TMEM132B: variants seen among roughly 807,000 people sequenced by gnomAD.
TMEM132B encodes transmembrane protein 132B.
Under a neutral mutation model 90.8 loss-of-function variants are expected in TMEM132B, and 18 were observed. The ratio of observed to expected loss-of-function variants is 0.20; its 90% CI spans 0.14 to 0.29. The LOEUF is 0.29. Among genes scored for constraint, TMEM132B ranks in the 10% least tolerant of loss-of-function variants. TMEM132B has a pLI of 1.00. For synonymous variants in TMEM132B, 504 were observed against 523.3 expected, an observed-to-expected ratio of 0.96 and a Z score of 0.50; for missense variants, 1,096 against 1,326.8, an observed-to-expected ratio of 0.83 and a Z score of 2.70.
intron 3 of TMEM132B, among the ~76,000 whole-genome samples, chr12:125,433,962 C>T (rs1880622287): frequency 2.0e-5 from 3 of 152,062 alleles, no homozygotes; most frequent in Admixed American, 6.5e-5. Context: ...TATTAGTTTC[C>T]TATTGCTGAC....
At chr12:125,266,648 GGGTTA>G (rs1453960268) in intron 1 of TMEM132B, among the ~76,000 whole-genome samples, 64 of 152,294 alleles carry the variant, frequency 4.2e-4, no homozygotes, top group African/African-American at 1.5e-3. Context: ...GGTTTGGGTT[GGGTTA>G]GGCCTTCTCC....
intron 1 of TMEM132B, among the ~76,000 whole-genome samples, chr12:125,234,297 CCCATCCTGTGA>C (rs1174459980): frequency 1.3e-5 from 2 of 152,282 alleles, no homozygotes; most frequent in African/African-American, 4.8e-5. Flanking sequence ...TTGAAAATGT[CCCATCCTGTGA>C]CACCACTGCA....
chr12:125,227,161 G>A (rs995137462), intron 1 of TMEM132B, among the ~76,000 whole-genome samples: 7 of 152,154 alleles, frequency 4.6e-5, no homozygotes, highest in Admixed American at 1.3e-4. Context: ...GTGGGACTGC[G>A]GCCCAGTTGC....
At chr12:125,624,183 A>G (rs1383025595) in intron 5 of TMEM132B, among the ~76,000 whole-genome samples, 2 of 152,198 alleles carry the variant, frequency 1.3e-5, no homozygotes, top group South Asian at 2.1e-4. Context: ...AAATGAATTG[A>G]TAAAAAGAAA....
intron 1 of TMEM132B, among the ~76,000 whole-genome samples, chr12:125,305,844 A>G (rs911507670): frequency 2.0e-5 from 3 of 152,156 alleles, no homozygotes; most frequent in Non-Finnish European, 2.9e-5. Flanking sequence ...ATCTTTCTCT[A>G]TTGCTGGGTA....
At chr12:125,617,352 T>TA (rs1886013161) in intron 5 of TMEM132B, among the ~76,000 whole-genome samples, 1 of 151,638 alleles carries the variant, frequency 6.6e-6, no homozygotes, top group Non-Finnish European at 1.5e-5. Context: ...CCCTTTTTTT[T>TA]TTTTTTTTTT....
rs138202075 is a variant in TMEM132B, at chr12:125,512,695, G to A, written c.1107-6744G>A. On this transcript the variant is annotated intron_variant, in intron 3 of 8. Transcript: ENST00000682704. ...GCCTGTAGACCTTTGACTGCCAACC[G>A]CTGCCTGCCTGGTCTTTTCAGAGCA... Among the ~76,000 whole-genome samples, 32 of 152,306 alleles carry A rather than the reference G, an allele frequency of 2.1e-4. No homozygotes were observed. In the East Asian group the frequency reaches 6.2e-3, roughly 29 times the overall value.
chr12:125,497,743 T>A (rs1299478606), intron 3 of TMEM132B, among the ~76,000 whole-genome samples: 1 of 152,226 alleles, frequency 6.6e-6, no homozygotes, highest in Non-Finnish European at 1.5e-5. Flanking sequence ...ATGTTATTGA[T>A]CAAGCTAGGA....
At chr12:125,586,198 T>G (rs984886049) in intron 5 of TMEM132B, 2 of 152,198 alleles carry the variant, frequency 1.3e-5, no homozygotes, top group African/African-American at 4.8e-5. Flanking sequence ...GGGAGAGTCT[T>G]GCAGGGCTCA....
Position 125,658,037 on chromosome 12 carries a change from C to T in TMEM132B, c.*3327C>T, listed in dbSNP as rs1228975111. The T allele has an allele frequency of 6.6e-6, 1 of 152,226 alleles. No homozygotes were observed. Among genetic ancestry groups the T allele is most frequent in the African/African-American group, 2.4e-5 (1 of 41,444 alleles). 9.4% of individuals were successfully genotyped at this position (152,226 alleles called of 1,614,324 possible). A position where few individuals can be genotyped will look rare whatever the true frequency, so the allele number is the denominator to read the frequency against. On this transcript the variant is annotated 3_prime_UTR_variant, in exon 9 of 9. Transcript: ENST00000682704. Reference sequence around the variant, plus strand: ...GAAGAAAAGACAATAGAAGGTTACCCTGGAAAAACAACACCTAGCAAACCT... The same window carrying T: ...GAAGAAAAGACAATAGAAGGTTACCTTGGAAAAACAACACCTAGCAAACCT...
intron 1 of TMEM132B, among the ~76,000 whole-genome samples, chr12:125,345,711 C>T (rs1464826234): frequency 1.3e-5 from 2 of 152,136 alleles, no homozygotes; most frequent in Non-Finnish European, 2.9e-5. Context: ...CTTCTTGGCT[C>T]ATAAGGAGGG....
chr12:125,628,219 C>T (rs1886278899), intron 5 of TMEM132B, among the ~76,000 whole-genome samples: 1 of 152,146 alleles, frequency 6.6e-6, no homozygotes, highest in Admixed American at 6.5e-5. Flanking sequence ...TTTAGAGGAA[C>T]TTCCAAATTT....
intron 2 of TMEM132B, among the ~76,000 whole-genome samples, chr12:125,366,961 A>G (rs1377036538): frequency 6.6e-6 from 1 of 152,152 alleles, no homozygotes; most frequent in Non-Finnish European, 1.5e-5. Context: ...TAAGTCCACC[A>G]GTGCAATTTT....
chr12:125,195,884 G>A (rs1872913581), intron 1 of TMEM132B, among the ~76,000 whole-genome samples: 2 of 152,184 alleles, frequency 1.3e-5, no homozygotes, highest in Middle Eastern at 3.2e-3. Context: ...GCCAGTGAGA[G>A]CTGTTCCCTC....
chr12:125,490,947 C>T lies in TMEM132B; in HGVS notation c.1107-28492C>T, dbSNP rs1882335757. Among the ~76,000 whole-genome samples, 1 of 152,182 alleles carries T rather than the reference C, an allele frequency of 6.6e-6. No homozygotes were observed. Among genetic ancestry groups the T allele is most frequent in the Admixed American group, 6.5e-5 (1 of 15,280 alleles). ...CTACCATGGTGTAAGGACACTCAAG[C>T]AGCTTTATGGAGAGGCCCATGTGGT... On this transcript the variant is annotated intron_variant, in intron 3 of 8. Coordinates refer to ENST00000682704, the MANE Select transcript of TMEM132B (RefSeq NM_001366854.1). The surrounding 1 kb of genome is among the most constrained non-coding windows in gnomAD (Gnocchi z 4.2).
chr12:125,385,932 G>A (rs563835218), intron 2 of TMEM132B, among the ~76,000 whole-genome samples: 27 of 152,272 alleles, frequency 1.8e-4, no homozygotes, highest in African/African-American at 6.5e-4. Flanking sequence ...TTGGTATTTT[G>A]GTGTTTATGG....
At chr12:125,245,856 C>T (rs1245495757) in intron 1 of TMEM132B, among the ~76,000 whole-genome samples, 1 of 152,202 alleles carries the variant, frequency 6.6e-6, no homozygotes, top group Non-Finnish European at 1.5e-5. Flanking sequence ...GCTTGTCCCA[C>T]TACCCCACAC....
chr12:125,373,463 T>C (rs1878365587), intron 2 of TMEM132B, among the ~76,000 whole-genome samples: 1 of 152,176 alleles, frequency 6.6e-6, no homozygotes, highest in South Asian at 2.1e-4. Context: ...GATGATCATC[T>C]GCAAGCCAAG....
At chr12:125,301,277 A>T (rs369927060) in intron 1 of TMEM132B, 1 of 152,334 alleles carries the variant, frequency 6.6e-6, no homozygotes, top group East Asian at 1.9e-4. Context: ...GTCAAAGGAC[A>T]CTGGCAGAGC....
Sources: gnomAD v4.1 joint callset for allele counts (sites outside exome capture counted in the v4.1 genomes callset) on GRCh38, gnomAD v4.1.1 for gene constraint, Gnocchi (gnomAD v3.1) non-coding constraint, MANE v1.5 for transcripts, NCBI Gene and HGNC (gene_info 2026-07-23, HGNC 2026-07-21) for gene names.